The following MARCHF10 variants were observed in gnomAD, a reference collection of about 807,000 sequenced individuals.
The protein encoded by MARCHF10 is membrane associated ring-CH-type finger 10.
MARCHF10 carries 64 observed loss-of-function variants against 76.2 expected under a neutral mutation model. The ratio of observed to expected loss-of-function variants is 0.84; its 90% CI spans 0.69 to 1.03. MARCHF10 has a LOEUF of 1.03. Ranked by LOEUF, MARCHF10 falls within the 50% of genes least tolerant of loss-of-function variation. MARCHF10 has a pLI of 0.00. For missense variants in MARCHF10, 875 were observed against 958.0 expected, an observed-to-expected ratio of 0.91 and a Z score of 1.14; for synonymous variants, 340 against 357.5, an observed-to-expected ratio of 0.95 and a Z score of 0.55.
At chr17:62,775,592 T>C (rs2109081) in intron 3 of MARCHF10, among the ~76,000 whole-genome samples, 75,277 of 151,624 alleles carry the variant, frequency 0.5, 20,244 homozygotes, top group East Asian at 0.7. Context: ...TTCCTTATTT[T>C]TTATTTTTAA....
chr17:62,802,756 G>A (rs1234458499), intron 1 of MARCHF10, among the ~76,000 whole-genome samples: 2 of 152,148 alleles, frequency 1.3e-5, no homozygotes, highest in Non-Finnish European at 2.9e-5. Context: ...AGGCATGAAG[G>A]AGCAGGTGCA....
intron 3 of MARCHF10, among the ~76,000 whole-genome samples, chr17:62,775,878 G>C (rs2092545875): frequency 6.6e-6 from 1 of 152,044 alleles, no homozygotes; most frequent in African/African-American, 2.4e-5. Flanking sequence ...ATGCAGTGGT[G>C]TGATCATAGC....
At chr17:62,778,821 A>G (rs1056139339) in intron 3 of MARCHF10, among the ~76,000 whole-genome samples, 2 of 152,164 alleles carry the variant, frequency 1.3e-5, no homozygotes, top group Non-Finnish European at 2.9e-5. Context: ...GGAGGAGCAG[A>G]AGAAAGAGAA....
chr17:62,756,138 C>G (rs530326229), intron 4 of MARCHF10, among the ~76,000 whole-genome samples: 1 of 152,254 alleles, frequency 6.6e-6, no homozygotes, highest in Non-Finnish European at 1.5e-5. Context: ...ATCCCAGCTA[C>G]TCGGGAGGCT....
intron 10 of MARCHF10, 72 bp from the exon 11 acceptor site, chr17:62,701,830 C>T (rs533978335): frequency 6.3e-7 from 1 of 1,593,206 alleles, no homozygotes; most frequent in Non-Finnish European, 8.6e-7. Flanking sequence ...GGGCACGGCA[C>T]TGCTGCTTCA....
chr17:62,792,925 T>TACC (rs954638515), intron 2 of MARCHF10, among the ~76,000 whole-genome samples: 1 of 64,966 alleles, frequency 1.5e-5, no homozygotes, highest in Non-Finnish European at 3.1e-5. Flanking sequence ...CCACAACCAT[T>TACC]ACCACCACCA....
chr17:62,761,426 T>C (rs1357592348), intron 3 of MARCHF10, among the ~76,000 whole-genome samples: 1 of 152,150 alleles, frequency 6.6e-6, no homozygotes, highest in South Asian at 2.1e-4. Flanking sequence ...TTTTTTCTTT[T>C]TTTCTTTTTT....
At chr17:62,742,991 C>T (rs1327037231) in intron 5 of MARCHF10, among the ~76,000 whole-genome samples, 1 of 152,158 alleles carries the variant, frequency 6.6e-6, no homozygotes, top group Non-Finnish European at 1.5e-5. Flanking sequence ...AGGAGAGAAA[C>T]TATAAAAAGT....
At chr17:62,797,094 C>T (rs147428510) in intron 2 of MARCHF10, among the ~76,000 whole-genome samples, 2 of 152,144 alleles carry the variant, frequency 1.3e-5, no homozygotes, top group African/African-American at 2.4e-5. Flanking sequence ...AAGAGTGCTG[C>T]AGTACTAGAG....
intron 10 of MARCHF10, chr17:62,705,173 T>C (rs956926729): frequency 2.2e-5 from 26 of 1,195,004 alleles, no homozygotes; most frequent in Middle Eastern, 7.1e-4. Context: ...TGGGGAGGGT[T>C]TTCCTAGAGG....
chr17:62,793,041 TACC>T (rs1327958066), intron 2 of MARCHF10, among the ~76,000 whole-genome samples: 1 of 88,200 alleles, frequency 1.1e-5, no homozygotes, highest in Non-Finnish European at 2.2e-5. Flanking sequence ...CTCCATCAAC[TACC>T]ACCAACGCCT....
At chr17:62,703,895 G>A (rs1183646605) in intron 10 of MARCHF10, among the ~76,000 whole-genome samples, 2 of 152,224 alleles carry the variant, frequency 1.3e-5, no homozygotes, top group African/African-American at 4.8e-5. Context: ...AGGCTCCAGG[G>A]TGTGCGGGGA....
At chr17:62,766,805 A>G (rs751830525) in intron 3 of MARCHF10, among the ~76,000 whole-genome samples, 1 of 152,214 alleles carries the variant, frequency 6.6e-6, no homozygotes, top group Non-Finnish European at 1.5e-5. Flanking sequence ...ACACCGTGCT[A>G]GGCTCTGTGA....
chr17:62,725,011 G>T lies in MARCHF10; in HGVS notation c.2031C>A (p.Cys677Ter), dbSNP rs111291268. Residue 677 changes from cysteine to a stop codon, truncating the protein, a stop_gained, in exon 7 of 11, where the codon TGC becomes TGA. Transcript: ENST00000311269. LOFTEE classifies it high-confidence loss of function. ...CAAACTGCAGGCTTCCCACACAGCC[G>T]CAAGGCTCCAGGAGGGGGTTGCTTG... is the stretch of plus-strand genomic sequence containing the variant. ...GSPSNPLLEP[C>*]GCVGSLQFVH... 2 of 1,610,334 alleles carry T rather than the reference G, an allele frequency of 1.2e-6. No homozygotes were observed. Among genetic ancestry groups the T allele is most frequent in the Admixed American group, 3.4e-5 (2 of 59,196 alleles).
In MARCHF10 at chr17:62,736,948, G is replaced by T. The variant is rs1477567280; in HGVS notation, c.920C>A (p.Ser307Ter). The T allele has an allele frequency of 6.2e-7, 1 of 1,614,158 alleles. No individual in the cohort carries two copies. The highest frequency in any genetic ancestry group is 1.1e-5 in the South Asian group (1 of 91,064). The change falls in exon 6 of 11, where the codon TCA becomes TAA. Residue 307 changes from serine (S) to a stop codon, truncating the protein, a stop_gained. Coordinates refer to ENST00000311269, the MANE Select transcript of MARCHF10 (RefSeq NM_152598.4). LOFTEE classifies it high-confidence loss of function. ...SEECLWVGVRSPCSPSHHKRS... is the reference protein window; with the variant it reads ...SEECLWVGVR ...TTTGTGATGGGAAGGAGAACAGGGT[G>T]AGCGCACACCAACCCACAGACATTC...
At chr17:62,758,929 G>A (rs1568170018) in intron 4 of MARCHF10, among the ~76,000 whole-genome samples, 2 of 152,310 alleles carry the variant, frequency 1.3e-5, no homozygotes, top group Non-Finnish European at 2.9e-5. Context: ...GTCTTTGATG[G>A]AGATGAGCCC....
intron 3 of MARCHF10, among the ~76,000 whole-genome samples, chr17:62,769,644 G>A (rs899153864): frequency 3.3e-5 from 5 of 152,030 alleles, no homozygotes; most frequent in Non-Finnish European, 7.4e-5. Flanking sequence ...GAACTCCTGA[G>A]CTCAAGTGAT....
At chr17:62,747,332 C>T (rs1308156467) in intron 4 of MARCHF10, among the ~76,000 whole-genome samples, 1 of 152,138 alleles carries the variant, frequency 6.6e-6, no homozygotes, top group Non-Finnish European at 1.5e-5. Flanking sequence ...AAAAAAACTG[C>T]TTTCTTCAAA....
At chr17:62,730,425 T>A (rs1469014259) in intron 6 of MARCHF10, among the ~76,000 whole-genome samples, 1 of 152,218 alleles carries the variant, frequency 6.6e-6, no homozygotes, top group East Asian at 1.9e-4. Flanking sequence ...TCTAATACCA[T>A]ACATCAAAAT....
Sources: allele counts gnomAD v4.1 joint callset (sites outside exome capture counted in the v4.1 genomes callset), GRCh38; gene constraint gnomAD v4.1.1; transcripts MANE v1.5; gene names NCBI Gene and HGNC (gene_info 2026-07-23, HGNC 2026-07-21).